The following TUBGCP6 variants were observed in gnomAD, a reference collection of about 807,000 sequenced individuals.
TUBGCP6 encodes the protein tubulin gamma complex component 6.
A neutral mutation model predicts 175.8 loss-of-function variants in TUBGCP6; 161 were observed. That is an observed-to-expected ratio of 0.92 (90% CI 0.81 to 1.04). The LOEUF (loss-of-function observed/expected upper bound fraction) is 1.04, where lower values mean the gene tolerates loss of function less well. TUBGCP6 is among the 50% of genes least tolerant of loss of function. The pLI is 0.00. For synonymous variants in TUBGCP6, 1,173 were observed against 1,030.5 expected (o/e 1.14, Z -2.65); for missense variants, 2,572 against 2,433.0 (o/e 1.06, Z -1.20).
In TUBGCP6 at chr22:50,230,043, G is replaced by T. The variant is rs1467149602; in HGVS notation, c.1117-466C>A. 2.0e-5 allele frequency among the ~76,000 whole-genome samples: 3 copies of T among 152,148 alleles called. No homozygotes were observed. The East Asian group carries it at 5.8e-4, about 29-fold the overall frequency. On this transcript the variant is annotated intron_variant, in intron 3 of 24. Coordinates refer to ENST00000248846, the MANE Select transcript of TUBGCP6 (RefSeq NM_020461.4). ...GCTCATGACAACCAAAACGAATGGG[G>T]TGTAGCAGAAGCCAGAAGGGAGGTT...
In TUBGCP6 at chr22:50,225,103, G is replaced by A. The variant is rs983718522; in HGVS notation, c.1984-511C>T. Among the ~76,000 whole-genome samples, 60 of 139,568 alleles carry A rather than the reference G, an allele frequency of 4.3e-4. 2 individuals are homozygous for A. In the Admixed American group the frequency reaches 4.5e-3, roughly 11 times the overall value. The allele number at this position is 139,568 out of a possible 152,430, so 91.6% of individuals were successfully genotyped here. A position where few individuals can be genotyped will look rare whatever the true frequency, so the allele number is the denominator to read the frequency against. ...CAGGCTCTCAGCAGTGGCAAGGCTGGTTCCAGGCCATGGACGGGAGCTGAC... is the reference window on the plus strand; with the variant it reads ...CAGGCTCTCAGCAGTGGCAAGGCTGATTCCAGGCCATGGACGGGAGCTGAC... On this transcript the variant is annotated intron_variant, in intron 10 of 24. Transcript: ENST00000248846.
chr22:50,220,399 C>T lies in TUBGCP6; in HGVS notation c.3960G>A (p.Arg1320=). ...AQSTVLDCGP[R]LPVEVGPSLS... Reference sequence around the variant, plus strand: ...GAGATGGCCCCACTTCTACAGGCAGCCGTGGCCCACAGTCCAGCACAGTGC... The same window carrying T: ...GAGATGGCCCCACTTCTACAGGCAGTCGTGGCCCACAGTCCAGCACAGTGC... The change falls in exon 16 of 25, where the codon CGG becomes CGA. Residue 1320 remains arginine, a synonymous_variant. Coordinates refer to ENST00000248846, the MANE Select transcript of TUBGCP6 (RefSeq NM_020461.4). 6.3e-7 allele frequency: 1 copy of T among 1,576,912 alleles called. No individual in the cohort carries two copies. Among genetic ancestry groups the T allele is most frequent in the Non-Finnish European group, 8.6e-7 (1 of 1,157,608 alleles).
At position 50,224,494 on chromosome 22, in the gene TUBGCP6, G is replaced by T. The variant is rs911910455; in HGVS notation, c.2065+17C>A. On this transcript the variant is annotated intron_variant, in intron 11 of 24. Coordinates refer to ENST00000248846, the MANE Select transcript of TUBGCP6 (RefSeq NM_020461.4). ...GGCCCCCCGGAACTGCAGAAGGGAG[G>T]ACTTGGGGCCACTCACCACTCAGTG... 5 of 1,614,214 alleles carry T rather than the reference G, an allele frequency of 3.1e-6. No homozygotes were observed. Among genetic ancestry groups the T allele is most frequent in the Non-Finnish European group, 4.2e-6 (5 of 1,180,048 alleles).
intron 13 of TUBGCP6, chr22:50,223,268 T>C (rs1008095135): frequency 6.6e-6 from 1 of 152,274 alleles, no homozygotes; most frequent in Admixed American, 6.5e-5. Flanking sequence ...TCCACACACA[T>C]CCCTCACTCG....
intron 6 of TUBGCP6, 67 bp from the exon 7 acceptor site, chr22:50,226,909 G>A: frequency 2.6e-6 from 4 of 1,554,682 alleles, no homozygotes; most frequent in Non-Finnish European, 2.6e-6. Context: ...GCGCAGCCCT[G>A]CCGGCAGCAG....
In TUBGCP6 at chr22:50,220,276, C is replaced by A; in HGVS notation, c.4083G>T (p.Pro1361=). 6.4e-7 allele frequency: 1 copy of A among 1,569,568 alleles called. No homozygotes were observed. Among genetic ancestry groups the A allele is most frequent in the Non-Finnish European group, 8.7e-7 (1 of 1,153,460 alleles). ...APTQPWWPNT[P]GDSVSEELGP... The stretch of plus-strand genomic sequence containing the variant: ...CTAGTTCTTCAGAGACACTGTCTCC[C>A]GGGGTGTTGGGCCACCATGGTTGGG... The change falls in exon 16 of 25, where the codon CCG becomes CCT. Residue 1361 remains proline (P), a synonymous_variant. Coordinates refer to ENST00000248846, the MANE Select transcript of TUBGCP6 (RefSeq NM_020461.4).
chr22:50,227,631 G>A (rs1368040874), intron 5 of TUBGCP6, among the ~76,000 whole-genome samples: 1 of 152,172 alleles, frequency 6.6e-6, no homozygotes, highest in Admixed American at 6.6e-5. Context: ...TGTGTGTACC[G>A]GACGCCACAT....
rs769573598 is a variant in TUBGCP6 at position 50,244,232 on chromosome 22, G to A, written c.228C>T (p.Asp76=). Residue 76 remains aspartate, a synonymous_variant, in exon 1 of 25, where the codon GAC becomes GAT. Transcript: ENST00000248846. ...TGGGGCCCAGGCCACCCACTCTCAA[G>A]TCAAAGGACAACATGAGGATCTTGT... is the stretch of plus-strand genomic sequence containing the variant. ...ARNKILMLSF[D]LRVGGLGPKA... is the part of the protein sequence containing the mutation. The A allele has an allele frequency of 3.1e-6, 5 of 1,613,310 alleles. No homozygotes were observed. In the African/African-American group the frequency reaches 5.3e-5, roughly 17 times the overall value.
At chr22:50,225,693 C>A in intron 10 of TUBGCP6, 101 bp downstream of exon 10, 2 of 1,441,430 alleles carry the variant, frequency 1.4e-6, no homozygotes, top group African/African-American at 1.4e-5. Flanking sequence ...AGAAGGGAGG[C>A]CCCCATCTTG....
intron 4 of TUBGCP6, among the ~76,000 whole-genome samples, chr22:50,228,494 C>T (rs768673557): frequency 2.6e-5 from 4 of 152,182 alleles, no homozygotes; most frequent in Non-Finnish European, 5.9e-5. Flanking sequence ...TCCTGGGCAA[C>T]GCCACAGCAG....
intron 3 of TUBGCP6, among the ~76,000 whole-genome samples, chr22:50,231,535 T>G (rs774861488): frequency 6.6e-6 from 1 of 151,612 alleles, no homozygotes; most frequent in Non-Finnish European, 1.5e-5. Context: ...ATCAACAAAA[T>G]TGACAAGTCT....
intron 5 of TUBGCP6, among the ~76,000 whole-genome samples, chr22:50,227,375 G>T (rs2064628197): frequency 6.6e-6 from 1 of 151,968 alleles, no homozygotes; most frequent in African/African-American, 2.4e-5. Context: ...CACTTCTGGG[G>T]GCTGCACCTG....
chr22:50,232,516 G>A (rs1235351943), intron 3 of TUBGCP6, among the ~76,000 whole-genome samples: 1 of 151,972 alleles, frequency 6.6e-6, no homozygotes, highest in Non-Finnish European at 1.5e-5. Flanking sequence ...CTGTGATGGT[G>A]CCACTGCACT....
chr22:50,227,820 C>A (rs2064634876), intron 5 of TUBGCP6, 87 bp downstream of exon 5: 4 of 1,510,842 alleles, frequency 2.6e-6, no homozygotes, highest in Non-Finnish European at 3.6e-6. Context: ...CCCTCCTTGC[C>A]AGGGAGCAGG....
chr22:50,226,750 G>T lies in TUBGCP6; in HGVS notation c.1584C>A (p.Ser528Arg). 1 of 1,587,486 alleles carries T rather than the reference G, an allele frequency of 6.3e-7. No homozygotes were observed. Among genetic ancestry groups the T allele is most frequent in the Non-Finnish European group, 8.6e-7 (1 of 1,167,830 alleles). ...CTGCCCACCGGGTGTAGGGCTCGCA[G>T]CTGGTCTTCAGCAGGGACAGCAGTA... ...YPVLLSLLKTSCEPYTRFIHD... is the reference protein window; with the variant it reads ...YPVLLSLLKTRCEPYTRFIHD... Residue 528 changes from serine to arginine, a missense_variant, in exon 7 of 25, where the codon AGC becomes AGA. By Grantham distance (110) the Ser-to-Arg change is moderately radical. Transcript: ENST00000248846.
chr22:50,228,023 G>A lies in TUBGCP6; in HGVS notation c.1296C>T (p.Phe432=). The A allele has an allele frequency of 1.3e-6, 2 of 1,552,840 alleles. No homozygotes were observed. Among genetic ancestry groups the A allele is most frequent in the Non-Finnish European group, 1.7e-6 (2 of 1,147,788 alleles). The change falls in exon 5 of 25, where the codon TTC becomes TTT. Residue 432 remains phenylalanine, a synonymous_variant. Transcript: ENST00000248846. The part of the protein sequence containing the change: ...LYSKGLVFQA[F]TSGLRRYLQY... ...GCAGGTACCTCCTCAGGCCACTGGT[G>A]AAGGCCTGTGGGCAAAGAGGCTGGG...
rs763640829 is a variant in TUBGCP6, at chr22:50,218,648, TCC to T, written c.4822-30_4822-29del. 1.9e-6 allele frequency: 3 copies of T among 1,613,646 alleles called. No individual in the cohort carries two copies. In the South Asian group the frequency reaches 3.3e-5, roughly 18 times the overall value. On this transcript the variant is annotated intron_variant, in intron 21 of 24. Coordinates refer to ENST00000248846, the MANE Select transcript of TUBGCP6 (RefSeq NM_020461.4). ...GCCAGGAGGCGTGGCTCAGCAGGCA[TCC>T]CACAGGCAGGCAGGCCCCTGTCCCA...
chr22:50,243,201 G>A (rs1016438759), intron 1 of TUBGCP6, among the ~76,000 whole-genome samples: 2 of 152,184 alleles, frequency 1.3e-5, no homozygotes, highest in African/African-American at 4.8e-5. Flanking sequence ...TGTAATCCCA[G>A]CACTTTGGGA....
At chr22:50,225,136 C>T (rs2064586960) in intron 10 of TUBGCP6, among the ~76,000 whole-genome samples, 1 of 150,008 alleles carries the variant, frequency 6.7e-6, no homozygotes, top group South Asian at 2.1e-4. Context: ...GACCGGCTCT[C>T]ACAGAGACAT....
Sources: allele counts gnomAD v4.1 joint callset (sites outside exome capture counted in the v4.1 genomes callset), GRCh38; gene constraint gnomAD v4.1.1; transcripts MANE v1.5; gene names NCBI Gene and HGNC (gene_info 2026-07-23, HGNC 2026-07-21).